Variants in RALGDS observed in about 807,000 individuals in gnomAD.
RALGDS encodes ral guanine nucleotide exchange factor.
Under a neutral mutation model 99.8 loss-of-function variants are expected in RALGDS, and 44 were observed. That is an observed-to-expected ratio of 0.44 (90% CI 0.35 to 0.57). The LOEUF (loss-of-function observed/expected upper bound fraction) is 0.57. Ranked by LOEUF, RALGDS falls within the 20% of genes least tolerant of loss-of-function variation. The pLI is 0.01. For missense variants in RALGDS, 1,022 were observed against 1,203.1 expected (o/e 0.85, Z 2.23); for synonymous variants, 529 against 505.0 (o/e 1.05, Z -0.64).
intron 4 of RALGDS, 66 bp downstream of exon 4, chr9:133,109,560 C>G (rs994096108): frequency 1.0e-5 from 15 of 1,429,280 alleles, no homozygotes; most frequent in Non-Finnish European, 5.9e-6. Context: ...CCGGCCCCAG[C>G]CCCATGTACT....
chr9:133,124,041 C>G (rs62643562), upstream of RALGDS, among the ~76,000 whole-genome samples: 7 of 120,452 alleles, frequency 5.8e-5, no homozygotes, highest in Non-Finnish European at 7.3e-5. Context: ...CACACAGAGA[C>G]ACACAGAGAG....
chr9:133,130,752 A>T (rs905380737), intron 1 of RALGDS, among the ~76,000 whole-genome samples: 1 of 152,192 alleles, frequency 6.6e-6, no homozygotes, highest in Non-Finnish European at 1.5e-5. Context: ...CACCCGTCTG[A>T]CAAGTGGAAA....
At chr9:133,137,604 G>C (rs1013505878) in intron 1 of RALGDS, among the ~76,000 whole-genome samples, 1 of 152,258 alleles carries the variant, frequency 6.6e-6, no homozygotes, top group Non-Finnish European at 1.5e-5. Context: ...AAGAGAGGCA[G>C]AGGCAAGCCA....
intron 1 of RALGDS, among the ~76,000 whole-genome samples, chr9:133,115,973 G>A (rs1482140893): frequency 2.0e-5 from 3 of 152,248 alleles, no homozygotes; most frequent in Admixed American, 6.5e-5. Context: ...CGGGGCCCAC[G>A]CTGCTGTGCC....
intron 1 of RALGDS, among the ~76,000 whole-genome samples, chr9:133,140,480 G>A (rs565896536): frequency 2.5e-4 from 38 of 152,276 alleles, no homozygotes; most frequent in African/African-American, 7.9e-4. Context: ...CTCGGGTGGT[G>A]TCCAGCAGAG....
At chr9:133,124,245 CAGACACAG>C (rs1832078016), upstream of RALGDS, among the ~76,000 whole-genome samples, 3 of 151,496 alleles carry the variant, frequency 2.0e-5, no homozygotes, top group Admixed American at 6.6e-5. Flanking sequence ...CACATAGAGA[CAGACACAG>C]AGACACAGAC....
intron 12 of RALGDS, 54 bp from the exon 13 acceptor site, chr9:133,102,954 G>C: frequency 1.9e-6 from 3 of 1,606,546 alleles, no homozygotes; most frequent in South Asian, 2.2e-5. Flanking sequence ...GCAGCACAGG[G>C]GCCAGTCTCT....
chr9:133,117,234 G>A (rs1831652158), intron 1 of RALGDS, among the ~76,000 whole-genome samples: 1 of 152,202 alleles, frequency 6.6e-6, no homozygotes, highest in African/African-American at 2.4e-5. Flanking sequence ...TCTAACTCGA[G>A]GGTCCTCACC....
intron 1 of RALGDS, 32 bp downstream of exon 1, chr9:133,120,940 C>T: frequency 6.8e-7 from 1 of 1,468,202 alleles, no homozygotes; most frequent in South Asian, 1.3e-5. Context: ...GGCTCCGACG[C>T]ACCCCCCGCC....
intron 1 of RALGDS, among the ~76,000 whole-genome samples, chr9:133,143,762 TAATAATAATAAC>T (rs1428159114): frequency 7.5e-5 from 8 of 106,250 alleles, no homozygotes; most frequent in African/African-American, 3.8e-4. Context: ...ATAATAATAA[TAATAATAATAAC>T]AACAACAACA....
chr9:133,101,016 C>T (rs947045481), intron 16 of RALGDS: 2 of 1,056,712 alleles, frequency 1.9e-6, no homozygotes, highest in African/African-American at 3.4e-5. Context: ...AGAAAGAGCC[C>T]CCAGGCAAAC....
intron 1 of RALGDS, among the ~76,000 whole-genome samples, chr9:133,126,926 A>T (rs1832180466): frequency 1.3e-5 from 2 of 152,120 alleles, no homozygotes; most frequent in African/African-American, 2.4e-5. Context: ...CCCTGCTCCC[A>T]TACCCAGACA....
chr9:133,121,940 T>C (rs1472164583), upstream of RALGDS, among the ~76,000 whole-genome samples: 2 of 152,198 alleles, frequency 1.3e-5, no homozygotes, highest in African/African-American at 2.4e-5. Context: ...CCCTACCTTT[T>C]TGGGGCAAAG....
At position 133,108,743 on chromosome 9, in the gene RALGDS, G is replaced by A; in HGVS notation, c.708C>T (p.Asp236=). 1.2e-6 allele frequency: 2 copies of A among 1,613,708 alleles called. No homozygotes were observed. The highest frequency in any genetic ancestry group is 2.2e-5 in the South Asian group (2 of 91,084). The change falls in exon 5 of 18, where the codon GAC becomes GAT. Residue 236 remains aspartate, a synonymous_variant. Transcript: ENST00000372050. ...AYVQLNMPGS[D]LERRAHLLLA... is the part of the protein sequence containing the mutation. ...GGAGAAGGTGGGCACGGCGCTCCAG[G>A]TCTGAGCCTGGCATGTTGAGCTGCA...
At chr9:133,099,738 C>T (rs2119112833) in intron 17 of RALGDS, 1 of 174,354 alleles carries the variant, frequency 5.7e-6, no homozygotes, top group Admixed American at 5.4e-5. Context: ...GATGAGAAGA[C>T]AAGCACAGAG....
At position 133,108,246 on chromosome 9, in the gene RALGDS, C is replaced by T. The variant is rs370119469; in HGVS notation, c.939G>A (p.Pro313=). Residue 313 remains proline, a synonymous_variant, in exon 6 of 18, where the codon CCG becomes CCA. Transcript: ENST00000372050. ...SELEVAPAPA[P]ELQQAPEPAV... is the part of the protein sequence containing the mutation. The stretch of plus-strand genomic sequence containing the variant: ...CTGGCTCTGGAGCCTGCTGGAGCTC[C>T]GGAGCTGGTGCTGGAGCTACTTCTA... 66 of 1,604,192 alleles carry T rather than the reference C, an allele frequency of 4.1e-5. No homozygotes were observed. In the African/African-American group the frequency reaches 4.3e-4, roughly 10 times the overall value.
intron 1 of RALGDS, among the ~76,000 whole-genome samples, chr9:133,113,445 C>T (rs1831445363): frequency 6.6e-6 from 1 of 152,208 alleles, no homozygotes; most frequent in African/African-American, 2.4e-5. Context: ...CTTTGTACAA[C>T]AGGAAAGCTG....
intron 1 of RALGDS, among the ~76,000 whole-genome samples, chr9:133,137,634 G>A (rs1016079992): frequency 6.6e-6 from 1 of 152,252 alleles, no homozygotes; most frequent in Non-Finnish European, 1.5e-5. Context: ...AGAGCGAGGA[G>A]GAAGGCAGCC....
chr9:133,145,392 C>T (rs980122741), intron 1 of RALGDS, among the ~76,000 whole-genome samples: 5 of 141,664 alleles, frequency 3.5e-5, no homozygotes, highest in African/African-American at 7.6e-5. Flanking sequence ...CCCCCCGCCC[C>T]GGCATGGCCT....
Sources: gnomAD v4.1 joint callset for allele counts (sites outside exome capture counted in the v4.1 genomes callset) on GRCh38, gnomAD v4.1.1 for gene constraint, MANE v1.5 for transcripts, NCBI Gene and HGNC (gene_info 2026-07-23, HGNC 2026-07-21) for gene names.